Variants in BCL2 observed in about 807,000 individuals in gnomAD.
BCL2 encodes apoptosis regulator Bcl-2.
In BCL2, 1 loss-of-function variant was observed where a neutral mutation model predicts 14.2. The ratio of observed to expected loss-of-function variants is 0.07; its 90% CI spans 0.02 to 0.33. BCL2 has a LOEUF of 0.33. BCL2 is among the 10% of genes least tolerant of loss of function. The pLI, the probability that BCL2 is intolerant of heterozygous loss-of-function variation, is 0.99. For missense variants in BCL2, 247 were observed against 305.9 expected (o/e 0.81, Z 1.44); for synonymous variants, 151 against 137.2 (o/e 1.10, Z -0.70).
At chr18:63,267,881 T>C (rs1911879498) in intron 2 of BCL2, among the ~76,000 whole-genome samples, 1 of 152,160 alleles carries the variant, frequency 6.6e-6, no homozygotes, top group African/African-American at 2.4e-5. Context: ...TCCTTCCCTT[T>C]CCTTCTCTGT....
chr18:63,259,432 G>A (rs1911589474), intron 2 of BCL2, among the ~76,000 whole-genome samples: 1 of 152,252 alleles, frequency 6.6e-6, no homozygotes, highest in South Asian at 2.1e-4. Flanking sequence ...GCCGTTGGTT[G>A]GCACTGAAGC....
intron 2 of BCL2, among the ~76,000 whole-genome samples, chr18:63,298,610 A>G (rs1912866266): frequency 6.6e-6 from 1 of 152,242 alleles, no homozygotes; most frequent in African/African-American, 2.4e-5. Context: ...GTGGAAGGAA[A>G]AATACACAGA....
intron 2 of BCL2, among the ~76,000 whole-genome samples, chr18:63,284,961 A>C (rs1421271191): frequency 6.6e-6 from 1 of 152,240 alleles, no homozygotes; most frequent in Middle Eastern, 3.4e-3. Flanking sequence ...CCAGGAAAAA[A>C]ATGGAAAGGG....
intron 2 of BCL2, among the ~76,000 whole-genome samples, chr18:63,169,401 CTT>C (rs1196935493): frequency 0.023 from 2,451 of 106,028 alleles, 223 homozygotes; most frequent in African/African-American, 0.065. Flanking sequence ...TTCTTTCTTT[CTT>C]TTTCTTTCTC....
chr18:63,263,664 C>T (rs1911727830), intron 2 of BCL2, among the ~76,000 whole-genome samples: 1 of 152,202 alleles, frequency 6.6e-6, no homozygotes, highest in Non-Finnish European at 1.5e-5. Context: ...CTGAGCATTT[C>T]CAGAGGGTAA....
At chr18:63,187,913 C>T (rs1051638355) in intron 2 of BCL2, among the ~76,000 whole-genome samples, 1 of 152,148 alleles carries the variant, frequency 6.6e-6, no homozygotes, top group Non-Finnish European at 1.5e-5. Flanking sequence ...CCCATTTGAA[C>T]CAGGTCCAGC....
At chr18:63,294,168 C>T (rs149032256) in intron 2 of BCL2, among the ~76,000 whole-genome samples, 1 of 152,086 alleles carries the variant, frequency 6.6e-6, no homozygotes, top group East Asian at 1.9e-4. Flanking sequence ...TTGTCCAGGG[C>T]AGCTCTGCCA....
intron 2 of BCL2, among the ~76,000 whole-genome samples, chr18:63,284,997 C>T (rs867709119): frequency 2.2e-4 from 33 of 152,184 alleles, no homozygotes; most frequent in Admixed American, 1.0e-3. Context: ...AGGTTTCAGA[C>T]TTGCTGCAGG....
At chr18:63,164,776 A>G (rs1915003628) in intron 2 of BCL2, among the ~76,000 whole-genome samples, 1 of 152,252 alleles carries the variant, frequency 6.6e-6, no homozygotes, top group Non-Finnish European at 1.5e-5. Flanking sequence ...ATGGCAAGAA[A>G]GCACAGTTAG....
At chr18:63,284,287 C>T (rs904907986) in intron 2 of BCL2, among the ~76,000 whole-genome samples, 9 of 152,120 alleles carry the variant, frequency 5.9e-5, no homozygotes, top group Non-Finnish European at 8.8e-5. Flanking sequence ...TGACTGGGAG[C>T]GCATCATCAA....
intron 2 of BCL2, among the ~76,000 whole-genome samples, chr18:63,276,360 G>A (rs1912153800): frequency 6.6e-6 from 1 of 152,152 alleles, no homozygotes; most frequent in Admixed American, 6.5e-5. Flanking sequence ...AAAGCATCTG[G>A]AAATCCATGG....
chr18:63,146,585 A>G (rs1914519685), intron 2 of BCL2, among the ~76,000 whole-genome samples: 1 of 152,238 alleles, frequency 6.6e-6, no homozygotes, highest in African/African-American at 2.4e-5. Context: ...TGTGTTGGAT[A>G]AAGGAGCAGA....
chr18:63,168,397 G>A (rs1915096490), intron 2 of BCL2, among the ~76,000 whole-genome samples: 1 of 152,096 alleles, frequency 6.6e-6, no homozygotes, highest in Non-Finnish European at 1.5e-5. Context: ...AAGTCCCCTT[G>A]GACCACCAGC....
chr18:63,184,171 A>AGGGGCCTTGGCCATGGATAG (rs1242438812), intron 2 of BCL2, among the ~76,000 whole-genome samples: 2 of 152,242 alleles, frequency 1.3e-5, no homozygotes, highest in African/African-American at 4.8e-5. Context: ...GCCATGGATA[A>AGGGGCCTTGGCCATGGATAG]GGAGCCTTGA....
chr18:63,189,648 A>T (rs946108079), intron 2 of BCL2, among the ~76,000 whole-genome samples: 2 of 151,936 alleles, frequency 1.3e-5, no homozygotes, highest in Non-Finnish European at 2.9e-5. Flanking sequence ...TTTTTGAGGA[A>T]GCCCCCCAGA....
intron 2 of BCL2, among the ~76,000 whole-genome samples, chr18:63,274,723 G>A (rs556988387): frequency 1.3e-5 from 2 of 152,212 alleles, no homozygotes; most frequent in African/African-American, 2.4e-5. Context: ...TGCCGCGGAG[G>A]ACCTAGTAAA....
Position 63,318,068 on chromosome 18 carries a change from C to T in BCL2, c.585+14G>A, listed in dbSNP as rs1387408604. ...GTGGCCTCAGCCCAGACTCACATCA[C>T]CAAGTGCACCTACCCAGCCTCCGTT... On this transcript the variant is annotated intron_variant, in intron 2 of 2. Transcript: ENST00000333681. The surrounding 1 kb of genome is among the most constrained non-coding windows in gnomAD (Gnocchi z 7.4). 6.2e-7 allele frequency: 1 copy of T among 1,613,374 alleles called. No homozygotes were observed. Among genetic ancestry groups the T allele is most frequent in the Non-Finnish European group, 8.5e-7 (1 of 1,179,648 alleles).
intron 2 of BCL2, among the ~76,000 whole-genome samples, chr18:63,147,724 G>C (rs557404833): frequency 6.6e-6 from 1 of 152,206 alleles, no homozygotes; most frequent in Non-Finnish European, 1.5e-5. Context: ...AAAAATTAAG[G>C]GATGTCTTCT....
At chr18:63,144,846 C>T (rs1914466646) in intron 2 of BCL2, among the ~76,000 whole-genome samples, 1 of 152,118 alleles carries the variant, frequency 6.6e-6, no homozygotes, top group Admixed American at 6.5e-5. Context: ...ATGGAGAAAC[C>T]ACCAGTCACA....
Sources: gnomAD v4.1 joint callset for allele counts (sites outside exome capture counted in the v4.1 genomes callset) on GRCh38, gnomAD v4.1.1 for gene constraint, Gnocchi (gnomAD v3.1) non-coding constraint, MANE v1.5 for transcripts, NCBI Gene and HGNC (gene_info 2026-07-23, HGNC 2026-07-21) for gene names.